The following KSR2 variants were observed in gnomAD, a reference collection of about 807,000 sequenced individuals.
The protein encoded by KSR2 is kinase suppressor of ras 2.
KSR2 carries 25 observed loss-of-function variants against 107.8 expected under a neutral mutation model. That is an observed-to-expected ratio of 0.23 (90% CI 0.17 to 0.32). The LOEUF is 0.32. Ranked by LOEUF, KSR2 falls within the 10% of genes least tolerant of loss-of-function variation. The pLI, the probability that KSR2 is intolerant of heterozygous loss-of-function variation, is 1.00. For missense variants in KSR2, 887 were observed against 1,268.9 expected (o/e 0.70, Z 4.57); for synonymous variants, 480 against 507.0 (o/e 0.95, Z 0.71).
chr12:117,719,278 T>G (rs1320201214), intron 4 of KSR2, among the ~76,000 whole-genome samples: 2 of 152,120 alleles, frequency 1.3e-5, no homozygotes, highest in East Asian at 3.9e-4. Flanking sequence ...CACTGCAACC[T>G]CTACCTCCCA....
chr12:117,608,586 T>A (rs2136310859), intron 5 of KSR2, among the ~76,000 whole-genome samples: 1 of 152,230 alleles, frequency 6.6e-6, no homozygotes, highest in African/African-American at 2.4e-5. Context: ...ACCCTATGTA[T>A]AGGTGCCCAT....
intron 4 of KSR2, among the ~76,000 whole-genome samples, chr12:117,756,949 GGAGGCT>G (rs1888814255): frequency 6.6e-6 from 1 of 152,064 alleles, no homozygotes; most frequent in Admixed American, 6.5e-5. Context: ...CAGCTACTCA[GGAGGCT>G]GAGGCAGGAG....
intron 5 of KSR2, among the ~76,000 whole-genome samples, chr12:117,656,833 C>T (rs577539386): frequency 6.6e-6 from 1 of 151,436 alleles, no homozygotes; most frequent in East Asian, 1.9e-4. Flanking sequence ...CAGACTGGCT[C>T]TCCTTGCTCC....
chr12:117,546,935 A>G lies in KSR2; in HGVS notation c.1519-7048T>C, dbSNP rs529693673. On this transcript the variant is annotated intron_variant, in intron 9 of 19. Transcript: ENST00000339824. ...AATTGCTTATTGAAGTATTTTTATAATGAATGCTTTAAAAGTGTCATCAGA... is the reference window on the plus strand; with the variant it reads ...AATTGCTTATTGAAGTATTTTTATAGTGAATGCTTTAAAAGTGTCATCAGA... 9.8e-5 allele frequency among the ~76,000 whole-genome samples: 15 copies of G among 152,318 alleles called. No homozygotes were observed. In the South Asian group the frequency reaches 1.0e-3, roughly 11 times the overall value.
At chr12:117,720,719 A>G (rs1355830461) in intron 4 of KSR2, among the ~76,000 whole-genome samples, 1 of 152,214 alleles carries the variant, frequency 6.6e-6, no homozygotes, top group Non-Finnish European at 1.5e-5. Context: ...GAAAGAAAGA[A>G]CAGGTCCCTA....
intron 5 of KSR2, among the ~76,000 whole-genome samples, chr12:117,637,675 G>GTATTTTTTT (rs1565938365): frequency 1.1e-5 from 1 of 92,086 alleles, no homozygotes; most frequent in Admixed American, 1.4e-4. Flanking sequence ...TCAGTTTTGG[G>GTATTTTTTT]TTTTTTTTTT....
intron 4 of KSR2, among the ~76,000 whole-genome samples, chr12:117,716,444 C>T (rs891298267): frequency 2.6e-5 from 4 of 152,120 alleles, no homozygotes; most frequent in African/African-American, 9.7e-5. Flanking sequence ...ACAATGCACA[C>T]CAGATTTTGA....
chr12:117,805,019 C>T (rs1013531568), intron 3 of KSR2, among the ~76,000 whole-genome samples: 5 of 152,142 alleles, frequency 3.3e-5, no homozygotes, highest in Admixed American at 1.3e-4. Context: ...GTAGGGTGAC[C>T]AACCATCGCG....
chr12:117,570,215 G>A (rs918983654), intron 7 of KSR2, among the ~76,000 whole-genome samples: 1 of 152,104 alleles, frequency 6.6e-6, no homozygotes, highest in African/African-American at 2.4e-5. Context: ...TGTTAGCCAG[G>A]ATGGTCTCAA....
intron 4 of KSR2, among the ~76,000 whole-genome samples, chr12:117,704,553 T>C (rs1483834497): frequency 1.3e-5 from 2 of 152,160 alleles, no homozygotes; most frequent in African/African-American, 4.8e-5. Context: ...CTCTTCTCTA[T>C]ACCAAGCTCA....
chr12:117,895,201 C>T (rs374619470), intron 1 of KSR2, among the ~76,000 whole-genome samples: 1 of 152,262 alleles, frequency 6.6e-6, no homozygotes, highest in African/African-American at 2.4e-5. Flanking sequence ...CACACCACTG[C>T]ACTCCAGGTT....
Position 117,678,042 on chromosome 12 carries a change from C to CA in KSR2, c.987-10385_987-10384insT, listed in dbSNP as rs1028337975. ...CTCCGCCTCATGGGTTCAACTCGTT[C>CA]TTCTGCCTCAGCCTCCCAAATAGCT... On this transcript the variant is annotated intron_variant, in intron 4 of 19. Transcript: ENST00000339824. Among the ~76,000 whole-genome samples, 152 of 151,788 alleles carry CA rather than the reference C, an allele frequency of 1.0e-3. 1 individual carries two copies. Among genetic ancestry groups the CA allele is most frequent in the African/African-American group, 3.6e-3 (149 of 41,414 alleles).
intron 4 of KSR2, among the ~76,000 whole-genome samples, chr12:117,719,551 C>T (rs147795944): frequency 1.3e-5 from 2 of 152,288 alleles, no homozygotes; most frequent in African/African-American, 4.8e-5. Flanking sequence ...GAAGGAGTGG[C>T]TTCCCCCTTT....
At chr12:117,496,692 A>G (rs1238814169) in intron 14 of KSR2, among the ~76,000 whole-genome samples, 5 of 152,204 alleles carry the variant, frequency 3.3e-5, no homozygotes, top group Non-Finnish European at 5.9e-5. Flanking sequence ...TACAATGAAA[A>G]CAAACATATA....
rs566488165 is a variant in KSR2, at chr12:117,457,036, T to C, written c.*10163A>G. ...CAACACCAAGATTGCCGGATGCAAG[T>C]CTCAAGATTTCAGCTCAGCAAGAGG... On this transcript the variant is annotated 3_prime_UTR_variant, in exon 20 of 20. Coordinates refer to ENST00000339824, the MANE Select transcript of KSR2 (RefSeq NM_173598.6). 2 of 152,282 alleles carry C rather than the reference T, an allele frequency of 1.3e-5. No homozygotes were observed. Among genetic ancestry groups the C allele is most frequent in the Admixed American group, 1.3e-4 (2 of 15,292 alleles). 9.4% of individuals were successfully genotyped at this position (152,282 alleles called of 1,614,324 possible).
intron 4 of KSR2, among the ~76,000 whole-genome samples, chr12:117,730,262 C>T (rs1887607132): frequency 6.6e-6 from 1 of 152,172 alleles, no homozygotes; most frequent in African/African-American, 2.4e-5. Context: ...ATGTAATCCT[C>T]CATACCTCAG....
chr12:117,814,441 T>C (rs1459179884), intron 3 of KSR2, among the ~76,000 whole-genome samples: 1 of 152,058 alleles, frequency 6.6e-6, no homozygotes, highest in Non-Finnish European at 1.5e-5. Flanking sequence ...GTGGGAGATG[T>C]GGTCAATCAT....
At chr12:117,627,956 T>C (rs1882609644) in intron 5 of KSR2, among the ~76,000 whole-genome samples, 1 of 152,254 alleles carries the variant, frequency 6.6e-6, no homozygotes, top group South Asian at 2.1e-4. Flanking sequence ...TAATTTGATC[T>C]TCAATCACTG....
intron 4 of KSR2, among the ~76,000 whole-genome samples, chr12:117,705,495 A>G (rs1205640710): frequency 6.6e-6 from 1 of 152,170 alleles, no homozygotes; most frequent in Non-Finnish European, 1.5e-5. Flanking sequence ...CCCCCAAGGG[A>G]CACCTAGCAG....
Sources: allele counts gnomAD v4.1 joint callset (sites outside exome capture counted in the v4.1 genomes callset), GRCh38; gene constraint gnomAD v4.1.1; transcripts MANE v1.5; gene names NCBI Gene and HGNC (gene_info 2026-07-23, HGNC 2026-07-21).